The following PCDHGB2 variants were observed in gnomAD, a reference collection of about 807,000 sequenced individuals.
PCDHGB2 encodes the protein protocadherin gamma subfamily B, 2.
A neutral mutation model predicts 59.3 loss-of-function variants in PCDHGB2; 55 were observed. That is an observed-to-expected ratio of 0.93 (90% CI 0.75 to 1.16). The LOEUF is 1.16. Among genes scored for constraint, PCDHGB2 ranks in the 50% most tolerant of loss-of-function variants. The pLI is 0.00. For missense variants in PCDHGB2, 1,228 were observed against 1,198.5 expected, an observed-to-expected ratio of 1.02 and a Z score of -0.36; for synonymous variants, 516 against 512.0, an observed-to-expected ratio of 1.01 and a Z score of -0.11.
At chr5:141,422,963 C>A (rs372620011) in intron 1 of PCDHGB2, 1 of 1,614,120 alleles carries the variant, frequency 6.2e-7, no homozygotes, top group Non-Finnish European at 8.5e-7. Flanking sequence ...GTGGAGCTGG[C>A]GCCCCGCTCT....
rs544565104 is a variant in PCDHGB2, at chr5:141,489,014, G to A, written c.2422-5793G>A. 2.5e-5 allele frequency: 11 copies of A among 433,976 alleles called. No individual in the cohort carries two copies. The highest frequency in any genetic ancestry group is 1.6e-4 in the Admixed American group (4 of 25,754). The allele number at this position is 433,976 out of a possible 1,614,324, so 26.9% of individuals were successfully genotyped here. On this transcript the variant is annotated intron_variant, in intron 1 of 3. Coordinates refer to ENST00000522605, the MANE Select transcript of PCDHGB2 (RefSeq NM_018923.3). This position sits in a 1 kb window ranked among gnomAD's most constrained non-coding sequence, Gnocchi z 4.5. ...GGTGGGAGATCTGCTCTTCCAGCCC[G>A]CCTCTCCTCCTCCAGCTCCCCAGCT... is the stretch of plus-strand genomic sequence containing the variant.
At position 141,360,695 on chromosome 5, in the gene PCDHGB2, A is replaced by G. The variant is rs772748568; in HGVS notation, c.560A>G (p.Asp187Gly). The change falls in exon 1 of 4, where the codon GAT becomes GGT. Residue 187 changes from aspartate to glycine, a missense_variant. Around this residue, in one of 3 missense-constraint regions of PCDHGB2, gnomAD observed 781 missense variants for 721.6 expected, o/e 1.08. Transcript: ENST00000522605. ...GATCTCGCTGAGAAACAGACTCCAG[A>G]TGGTCGTAAATATCCTGAGTTGATT... ...YFDLAEKQTP[D>G]GRKYPELILK... 5 of 1,613,988 alleles carry G rather than the reference A, an allele frequency of 3.1e-6. No homozygotes were observed. The highest frequency in any genetic ancestry group is 3.4e-6 in the Non-Finnish European group (4 of 1,179,894).
chr5:141,449,724 A>AT (rs911465424), intron 1 of PCDHGB2, among the ~76,000 whole-genome samples: 1 of 151,176 alleles, frequency 6.6e-6, no homozygotes, highest in African/African-American at 2.4e-5. Context: ...ATATGATATG[A>AT]TTTTTTTATG....
intron 1 of PCDHGB2, among the ~76,000 whole-genome samples, chr5:141,470,036 C>T (rs573955901): frequency 5.3e-5 from 8 of 152,022 alleles, no homozygotes; most frequent in South Asian, 2.1e-4. Flanking sequence ...TGCTGAGGCG[C>T]GAGAACTGTT....
At chr5:141,418,147 C>A (rs781655205) in intron 1 of PCDHGB2, 3 of 1,614,040 alleles carry the variant, frequency 1.9e-6, no homozygotes, top group Non-Finnish European at 2.5e-6. Flanking sequence ...AGCAAATATG[C>A]AAAGAGAGAA....
At chr5:141,446,985 C>T (rs1411339328) in intron 1 of PCDHGB2, among the ~76,000 whole-genome samples, 1 of 152,064 alleles carries the variant, frequency 6.6e-6, no homozygotes, top group Non-Finnish European at 1.5e-5. Context: ...AATTCATACT[C>T]CACTCTTCAG....
intron 1 of PCDHGB2, chr5:141,372,290 G>A (rs1437600694): frequency 1.9e-6 from 3 of 1,613,282 alleles, no homozygotes; most frequent in Non-Finnish European, 2.5e-6. Context: ...CGCGTACCTT[G>A]GGCGACAGGG....
rs373553221 is a variant in PCDHGB2, at chr5:141,361,821, G to A, written c.1686G>A (p.Val562=). The A allele has an allele frequency of 7.4e-6, 12 of 1,613,026 alleles. No individual in the cohort carries two copies. The African/African-American group carries it at 1.6e-4, about 21-fold the overall frequency. The change falls in exon 1 of 4, where the codon GTG becomes GTA. Residue 562 remains valine, a synonymous_variant. Transcript: ENST00000522605. ...ACCTCAATGACAATGCGCCACGGGT[G>A]CTGTACCCCGCGCTGGGGCCTGATG... ...VGDLNDNAPR[V]LYPALGPDGS...
At chr5:141,401,756 A>G (rs560146125) in intron 1 of PCDHGB2, among the ~76,000 whole-genome samples, 2 of 152,332 alleles carry the variant, frequency 1.3e-5, no homozygotes, top group African/African-American at 4.8e-5. Context: ...CTCCCATTAC[A>G]TGGTATAAGT....
rs2099698809 is a variant in PCDHGB2 at position 141,490,343 on chromosome 5, T to C, written c.2422-4464T>C. On this transcript the variant is annotated intron_variant, in intron 1 of 3. Transcript: ENST00000522605. This position sits in a 1 kb window ranked among gnomAD's most constrained non-coding sequence, Gnocchi z 5.4. ...CTAGAGAGCACACCAGTGGGCACAG[T>C]AGTGGGGTTGTTTAATGTGCGAGAC... The C allele has an allele frequency of 6.2e-7, 1 of 1,614,018 alleles. No individual in the cohort carries two copies. Among genetic ancestry groups the C allele is most frequent in the Admixed American group, 1.7e-5 (1 of 60,006 alleles).
intron 1 of PCDHGB2, chr5:141,384,303 G>C: frequency 6.2e-7 from 1 of 1,613,716 alleles, no homozygotes; most frequent in Non-Finnish European, 8.5e-7. Flanking sequence ...ACCCCAGAGG[G>C]GCCTCCATTT....
intron 1 of PCDHGB2, among the ~76,000 whole-genome samples, chr5:141,480,240 C>CAAA (rs11374694): frequency 1.8e-5 from 2 of 114,046 alleles, no homozygotes; most frequent in Non-Finnish European, 3.8e-5. Context: ...CCTGTCTCTA[C>CAAA]AAAAAAAAAA....
At chr5:141,423,357 C>A in intron 1 of PCDHGB2, 1 of 1,614,214 alleles carries the variant, frequency 6.2e-7, no homozygotes, top group Non-Finnish European at 8.5e-7. Flanking sequence ...TCTTTGTCAT[C>A]GTGCTGCTGG....
intron 1 of PCDHGB2, among the ~76,000 whole-genome samples, chr5:141,463,944 T>C (rs1454454223): frequency 3.3e-5 from 5 of 152,158 alleles, no homozygotes; most frequent in African/African-American, 4.8e-5. Flanking sequence ...TTTATAGAAA[T>C]CTTCATTTTT....
chr5:141,403,053 C>T (rs754618954), intron 1 of PCDHGB2: 2 of 1,614,076 alleles, frequency 1.2e-6, no homozygotes, highest in Non-Finnish European at 1.7e-6. Context: ...ATTCGCTACT[C>T]AGTGCCTGAA....
chr5:141,388,477 C>A (rs371333912), intron 1 of PCDHGB2: 34 of 1,613,702 alleles, frequency 2.1e-5, no homozygotes, highest in Non-Finnish European at 2.9e-5. Flanking sequence ...GTATTGAAGA[C>A]ACCTTTGGAC....
chr5:141,365,178 A>G, intron 1 of PCDHGB2: 2 of 1,613,928 alleles, frequency 1.2e-6, no homozygotes, highest in Non-Finnish European at 1.7e-6. Flanking sequence ...TCTTTTCGCA[A>G]TGAAGAAGAA....
chr5:141,366,196 C>T, intron 1 of PCDHGB2: 5 of 1,613,898 alleles, frequency 3.1e-6, no homozygotes, highest in Non-Finnish European at 4.2e-6. Context: ...TTGGGCTGCA[C>T]ACGGGCGAGG....
Position 141,410,300 on chromosome 5 carries a change from T to A in PCDHGB2, c.2421+47744T>A, listed in dbSNP as rs1233506038. 4 of 1,614,022 alleles carry A rather than the reference T, an allele frequency of 2.5e-6. No individual in the cohort carries two copies. In the Admixed American group the frequency reaches 6.7e-5, roughly 27 times the overall value. ...CCTGGTGGTGGCCTTGGCCTTAATC[T>A]CAGTGCTCTTCCTCCTCGCCGTGAT... On this transcript the variant is annotated intron_variant, in intron 1 of 3. Coordinates refer to ENST00000522605, the MANE Select transcript of PCDHGB2 (RefSeq NM_018923.3).
Sources: allele counts gnomAD v4.1 joint callset (sites outside exome capture counted in the v4.1 genomes callset), GRCh38; gene constraint gnomAD v4.1.1; regional missense constraint gnomAD v4.1.1; non-coding constraint Gnocchi (gnomAD v3.1); transcripts MANE v1.5; gene names NCBI Gene and HGNC (gene_info 2026-07-23, HGNC 2026-07-21).